The following AGAP1 variants were observed in gnomAD, a reference collection of about 807,000 sequenced individuals.
AGAP1 encodes the protein arf-GAP with GTPase, ANK repeat and PH domain-containing protein 1.
In AGAP1, 29 loss-of-function variants were observed where a neutral mutation model predicts 105.3. The observed-to-expected ratio is 0.28, with a 90% CI of 0.21 to 0.38. The LOEUF (loss-of-function observed/expected upper bound fraction) is 0.38. AGAP1 is among the 10% of genes least tolerant of loss of function. The pLI is 1.00. For synonymous variants in AGAP1, 509 were observed against 485.9 expected (o/e 1.05, Z -0.63); for missense variants, 998 against 1,165.1 (o/e 0.86, Z 2.09).
At chr2:235,826,699 A>G (rs1166997819) in intron 9 of AGAP1, among the ~76,000 whole-genome samples, 1 of 152,118 alleles carries the variant, frequency 6.6e-6, no homozygotes. Flanking sequence ...CAGCCTCCCA[A>G]AGTGCTGGAA....
rs1256980963 is a variant in AGAP1, at chr2:235,964,332, C to T, written c.1484-4130C>T. Among the ~76,000 whole-genome samples the T allele has an allele frequency of 2.0e-5, 3 of 152,098 alleles. No individual in the cohort carries two copies. Among genetic ancestry groups the T allele is most frequent in the African/African-American group, 7.2e-5 (3 of 41,408 alleles). On this transcript the variant is annotated intron_variant, in intron 12 of 17. Transcript: ENST00000304032. The surrounding 1 kb of genome is among the most constrained non-coding windows in gnomAD (Gnocchi z 4.6). ...GGCAGCCGAGGAGAGTTGCGTTTGCCTGTTCTGCTTATCTCCCTGCAGGAC... is the reference window on the plus strand; with the variant it reads ...GGCAGCCGAGGAGAGTTGCGTTTGCTTGTTCTGCTTATCTCCCTGCAGGAC...
chr2:235,519,178 T>C (rs1041695882), intron 1 of AGAP1, among the ~76,000 whole-genome samples: 8 of 152,126 alleles, frequency 5.3e-5, no homozygotes, highest in African/African-American at 7.2e-5. Context: ...GCTCAAGCAA[T>C]CCTCCCACCT....
At chr2:235,779,859 G>T (rs540928693) in intron 6 of AGAP1, among the ~76,000 whole-genome samples, 3 of 152,222 alleles carry the variant, frequency 2.0e-5, no homozygotes, top group Non-Finnish European at 1.5e-5. Flanking sequence ...GCCTAAAGCC[G>T]GGACCCCTGG....
Position 235,595,397 on chromosome 2 carries a change from A to T in AGAP1, c.163+100548A>T, listed in dbSNP as rs538471247. Among the ~76,000 whole-genome samples, 14 of 152,310 alleles carry T rather than the reference A, an allele frequency of 9.2e-5. No individual in the cohort carries two copies. In the East Asian group the frequency reaches 2.7e-3, roughly 29 times the overall value. On this transcript the variant is annotated intron_variant, in intron 1 of 17. Coordinates refer to ENST00000304032, the MANE Select transcript of AGAP1 (RefSeq NM_001037131.3). ...CACTGAAATACATTCTCAGGAAGGA[A>T]GTGTAGCTGAAGTCCAGAACTCAGC...
chr2:235,621,157 G>A lies in AGAP1; in HGVS notation c.164-88022G>A, dbSNP rs1946464802. The stretch of plus-strand genomic sequence containing the variant: ...CTGCCTTGGCCTCCGGAGGAGCTGA[G>A]ACTACAGGCGCCCGCCACCACACCC... On this transcript the variant is annotated intron_variant, in intron 1 of 17. Transcript: ENST00000304032. This position sits in a 1 kb window ranked among gnomAD's most constrained non-coding sequence, Gnocchi z 4.1. Among the ~76,000 whole-genome samples, 2 of 152,146 alleles carry A rather than the reference G, an allele frequency of 1.3e-5. No homozygotes were observed. Among genetic ancestry groups the A allele is most frequent in the Admixed American group, 6.5e-5 (1 of 15,284 alleles).
chr2:235,540,624 A>G (rs570462941), intron 1 of AGAP1, among the ~76,000 whole-genome samples: 48 of 152,262 alleles, frequency 3.2e-4, no homozygotes, highest in South Asian at 2.5e-3. Context: ...GCTGGAGAAA[A>G]TCTCTACAAA....
At position 236,082,735 on chromosome 2, in the gene AGAP1, G is replaced by A. The variant is rs182619861; in HGVS notation, c.2114+33454G>A. The stretch of plus-strand genomic sequence containing the variant: ...CTAAAAATACAAAAATTAGCCTGGC[G>A]CGGTGGCAGGCACCTATGATCCCAG... On this transcript the variant is annotated intron_variant, in intron 16 of 17. Coordinates refer to ENST00000304032, the MANE Select transcript of AGAP1 (RefSeq NM_001037131.3). This position sits in a 1 kb window ranked among gnomAD's most constrained non-coding sequence, Gnocchi z 4.2. Among the ~76,000 whole-genome samples, 8 of 152,100 alleles carry A rather than the reference G, an allele frequency of 5.3e-5. No homozygotes were observed. The highest frequency in any genetic ancestry group is 4.6e-4 in the Admixed American group (7 of 15,278).
At chr2:235,766,293 A>C (rs1317365696) in intron 6 of AGAP1, among the ~76,000 whole-genome samples, 1 of 152,222 alleles carries the variant, frequency 6.6e-6, no homozygotes, top group Non-Finnish European at 1.5e-5. Context: ...TATGTGGGTA[A>C]CAGGACATTG....
In AGAP1 at chr2:236,123,246, T is replaced by A. The variant is rs1433032083; in HGVS notation, c.2371-673T>A. ...ATGCCACGTGCCCAGCTAATTTTTTTAAAATGTGTTTTTTTCTAGAGACAG... is the reference window on the plus strand; with the variant it reads ...ATGCCACGTGCCCAGCTAATTTTTTAAAAATGTGTTTTTTTCTAGAGACAG... On this transcript the variant is annotated intron_variant, in intron 17 of 17. Transcript: ENST00000304032. The surrounding 1 kb of genome is among the most constrained non-coding windows in gnomAD (Gnocchi z 4.6). 6.6e-6 allele frequency among the ~76,000 whole-genome samples: 1 copy of A among 152,130 alleles called. No homozygotes were observed. The highest frequency in any genetic ancestry group is 2.4e-5 in the African/African-American group (1 of 41,424).
Position 235,901,265 on chromosome 2 carries a change from T to C in AGAP1, c.1156-7473T>C, listed in dbSNP as rs1209001182. Among the ~76,000 whole-genome samples, 2 of 152,248 alleles carry C rather than the reference T, an allele frequency of 1.3e-5. No individual in the cohort carries two copies. The highest frequency in any genetic ancestry group is 3.9e-4 in the East Asian group (2 of 5,186). ...TTGGGAATAGTAGTGAACTTTACAATGGCTTCTCTTACATACTTTTTTTTT... is the reference window on the plus strand; with the variant it reads ...TTGGGAATAGTAGTGAACTTTACAACGGCTTCTCTTACATACTTTTTTTTT... On this transcript the variant is annotated intron_variant, in intron 10 of 17. Transcript: ENST00000304032. The surrounding 1 kb of genome is among the most constrained non-coding windows in gnomAD (Gnocchi z 4.3).
chr2:235,575,042 G>A (rs932138911), intron 1 of AGAP1, among the ~76,000 whole-genome samples: 52 of 152,124 alleles, frequency 3.4e-4, no homozygotes, highest in African/African-American at 1.2e-3. Flanking sequence ...ATGATCGCTG[G>A]AGCTTGGGAA....
In AGAP1 at chr2:235,601,538, GC is replaced by G. The variant is rs554076933; in HGVS notation, c.163+106690del. 1.2e-3 allele frequency among the ~76,000 whole-genome samples: 177 copies of G among 152,256 alleles called. 3 individuals carry two copies. In the South Asian group the frequency reaches 0.036, roughly 31 times the overall value. The stretch of plus-strand genomic sequence containing the variant: ...GGGGCAGGCAAGAGAGCTTGCTCAG[GC>G]GAACTCCCGTTTATAAAACCATCAG... On this transcript the variant is annotated intron_variant, in intron 1 of 17. Coordinates refer to ENST00000304032, the MANE Select transcript of AGAP1 (RefSeq NM_001037131.3). The surrounding 1 kb of genome is among the most constrained non-coding windows in gnomAD (Gnocchi z 4.4).
intron 1 of AGAP1, among the ~76,000 whole-genome samples, chr2:235,695,111 A>T (rs1949936072): frequency 6.6e-6 from 1 of 152,354 alleles, no homozygotes; most frequent in African/African-American, 2.4e-5. Flanking sequence ...CTGGGAAATA[A>T]CAAGGACCTT....
rs538268713 is a variant in AGAP1 at position 235,868,434 on chromosome 2, G to A, written c.1051-14911G>A. 5.9e-4 allele frequency among the ~76,000 whole-genome samples: 90 copies of A among 152,266 alleles called. 1 individual carries two copies. The highest frequency in any genetic ancestry group is 2.1e-3 in the African/African-American group (86 of 41,552). On this transcript the variant is annotated intron_variant, in intron 9 of 17. Coordinates refer to ENST00000304032, the MANE Select transcript of AGAP1 (RefSeq NM_001037131.3). ...GGAATGCTGCCCGCAGAGCAAAGGC[G>A]AGTGGTTGTGGACGTGCCTGTTGAT... is the stretch of plus-strand genomic sequence containing the variant.
rs540028061 is a variant in AGAP1, at chr2:235,989,792, G to T, written c.1645+21169G>T. Among the ~76,000 whole-genome samples the T allele has an allele frequency of 6.6e-6, 1 of 152,290 alleles. No homozygotes were observed. Among genetic ancestry groups the T allele is most frequent in the African/African-American group, 2.4e-5 (1 of 41,550 alleles). On this transcript the variant is annotated intron_variant, in intron 13 of 17. Transcript: ENST00000304032. This position sits in a 1 kb window ranked among gnomAD's most constrained non-coding sequence, Gnocchi z 4.4. ...ATCAGTCCGTGCGGGAGACGTGCAT[G>T]GAGTGGAACGGTCACAGCAGCAGCT...
rs375137075 is a variant in AGAP1, at chr2:235,750,315, A to G, written c.539-39A>G. 9.9e-6 allele frequency: 16 copies of G among 1,612,992 alleles called. No homozygotes were observed. The highest frequency in any genetic ancestry group is 1.3e-5 in the African/African-American group (1 of 74,898). ...AGTGTAGGAAGTATTTAGAGCTGTC[A>G]TTGTCACTGTGCCGTTACTTTTTGG... On this transcript the variant is annotated intron_variant, in intron 5 of 17. Transcript: ENST00000304032. The surrounding 1 kb of genome is among the most constrained non-coding windows in gnomAD (Gnocchi z 5.3).
In AGAP1 at chr2:235,596,609, C is replaced by T. The variant is rs1038787786; in HGVS notation, c.163+101760C>T. ...TTCCTGGTTGCAGGTGCTGTGTCAT[C>T]GTATGGCTGTATTTGAGGGGATTGT... On this transcript the variant is annotated intron_variant, in intron 1 of 17. Transcript: ENST00000304032. This position sits in a 1 kb window ranked among gnomAD's most constrained non-coding sequence, Gnocchi z 5.9. 6.6e-6 allele frequency among the ~76,000 whole-genome samples: 1 copy of T among 152,142 alleles called. No individual in the cohort carries two copies. The highest frequency in any genetic ancestry group is 2.4e-5 in the African/African-American group (1 of 41,438).
rs1184942927 is a variant in AGAP1 at position 235,842,579 on chromosome 2, G to T, written c.1050+35248G>T. 6.6e-6 allele frequency among the ~76,000 whole-genome samples: 1 copy of T among 152,134 alleles called. No individual in the cohort carries two copies. Among genetic ancestry groups the T allele is most frequent in the Non-Finnish European group, 1.5e-5 (1 of 68,026 alleles). On this transcript the variant is annotated intron_variant, in intron 9 of 17. Coordinates refer to ENST00000304032, the MANE Select transcript of AGAP1 (RefSeq NM_001037131.3). This position sits in a 1 kb window ranked among gnomAD's most constrained non-coding sequence, Gnocchi z 5.3. ...ATGATTGGTTCTTTTGTAATCCTATGAATTTAAACCTAATACTTTGAGAAG... is the reference window on the plus strand; with the variant it reads ...ATGATTGGTTCTTTTGTAATCCTATTAATTTAAACCTAATACTTTGAGAAG...
Position 235,728,299 on chromosome 2 carries a change from C to CTGTGTGTGTGTGTGTGTGTGTGTGTG in AGAP1, c.310+10656_310+10657insGTGTGTGTGTGTGTGTGTGTGTGTGT, listed in dbSNP as rs1369942234. Among the ~76,000 whole-genome samples, 31 of 134,936 alleles carry CTGTGTGTGTGTGTGTGTGTGTGTGTG rather than the reference C, an allele frequency of 2.3e-4. No homozygotes were observed. Among genetic ancestry groups the CTGTGTGTGTGTGTGTGTGTGTGTGTG allele is most frequent in the Admixed American group, 1.2e-3 (17 of 13,952 alleles). The allele number at this position is 134,936 out of a possible 152,430, so 88.5% of individuals were successfully genotyped here. ...AGATCTGAAAAGGACTGGGCCCAGA[C>CTGTGTGTGTGTGTGTGTGTGTGTGTG]TCTGTGTGTGTGTGTGTGTGTGTGT... On this transcript the variant is annotated intron_variant, in intron 3 of 17. Transcript: ENST00000304032. This position sits in a 1 kb window ranked among gnomAD's most constrained non-coding sequence, Gnocchi z 4.3.
Sources: allele counts gnomAD v4.1 joint callset (sites outside exome capture counted in the v4.1 genomes callset), GRCh38; gene constraint gnomAD v4.1.1; non-coding constraint Gnocchi (gnomAD v3.1); transcripts MANE v1.5; gene names NCBI Gene and HGNC (gene_info 2026-07-23, HGNC 2026-07-21).